KCNIP4: variants seen among roughly 807,000 people sequenced by gnomAD.
The protein encoded by KCNIP4 is potassium voltage-gated channel interacting protein 4, also known as Kv channel-interacting protein 4.
A neutral mutation model predicts 34.0 loss-of-function variants in KCNIP4; 12 were observed. The observed-to-expected ratio is 0.35, with a 90% CI of 0.23 to 0.57. The LOEUF (loss-of-function observed/expected upper bound fraction) is 0.57, where lower values mean the gene tolerates loss of function less well. Among genes scored for constraint, KCNIP4 ranks in the 20% least tolerant of loss-of-function variants. KCNIP4 has a pLI of 0.83. For missense variants in KCNIP4, 238 were observed against 311.7 expected (o/e 0.76, Z 1.78); for synonymous variants, 124 against 102.2 (o/e 1.21, Z -1.29).
intron 1 of KCNIP4, among the ~76,000 whole-genome samples, chr4:21,274,423 T>C (rs1197541710): frequency 2.0e-5 from 3 of 152,180 alleles, no homozygotes; most frequent in South Asian, 4.1e-4. Context: ...GGATATGACA[T>C]TTAACAAATT....
At chr4:21,451,620 A>C (rs1728511931) in intron 1 of KCNIP4, among the ~76,000 whole-genome samples, 1 of 152,138 alleles carries the variant, frequency 6.6e-6, no homozygotes, top group African/African-American at 2.4e-5. Flanking sequence ...CTGTTTTTGT[A>C]GATAACCAAA....
intron 3 of KCNIP4, among the ~76,000 whole-genome samples, chr4:20,772,619 T>C (rs994191989): frequency 3.7e-5 from 5 of 136,078 alleles, no homozygotes; most frequent in African/African-American, 7.6e-5. Context: ...ATTATACATT[T>C]TGTTCCCTTT....
chr4:20,949,643 T>C (rs952989862), intron 1 of KCNIP4, among the ~76,000 whole-genome samples: 1 of 151,790 alleles, frequency 6.6e-6, no homozygotes, highest in Non-Finnish European at 1.5e-5. Context: ...ATTAAGAAAA[T>C]GTGGCACATA....
At chr4:21,627,505 A>G (rs1304650524) in intron 1 of KCNIP4, among the ~76,000 whole-genome samples, 1 of 152,116 alleles carries the variant, frequency 6.6e-6, no homozygotes, top group African/African-American at 2.4e-5. Flanking sequence ...TTAGCTGTTG[A>G]TTATTTTCTG....
chr4:21,697,692 C>T, intron 1 of KCNIP4: 1 of 1,247,260 alleles, frequency 8.0e-7, no homozygotes, highest in Non-Finnish European at 1.0e-6. Context: ...CCAAGTTCTT[C>T]TGTGGCAACA....
chr4:21,915,487 A>G (rs1316507804), intron 1 of KCNIP4, among the ~76,000 whole-genome samples: 1 of 152,218 alleles, frequency 6.6e-6, no homozygotes, highest in Non-Finnish European at 1.5e-5. Context: ...TATCTAGGTC[A>G]TACAGTTAAG....
chr4:20,866,035 A>G (rs754392288), intron 2 of KCNIP4, among the ~76,000 whole-genome samples: 19 of 152,060 alleles, frequency 1.2e-4, no homozygotes, highest in African/African-American at 1.9e-4. Context: ...AACTAAAAAA[A>G]GCTCTGGACC....
chr4:21,414,201 A>T (rs1449044026), intron 1 of KCNIP4, among the ~76,000 whole-genome samples: 1 of 152,204 alleles, frequency 6.6e-6, no homozygotes, highest in Admixed American at 6.5e-5. Context: ...AATTATAGGC[A>T]GAGAGGTCAG....
chr4:20,844,220 G>C (rs1720095563), intron 3 of KCNIP4, among the ~76,000 whole-genome samples: 1 of 152,158 alleles, frequency 6.6e-6, no homozygotes. Context: ...GAAGTCAAAA[G>C]GGAGGTCGTG....
In KCNIP4 at chr4:21,527,377, C is replaced by T. The variant is rs11947261; in HGVS notation, c.61+421194G>A. ...ATCAACAATTCCTACCACATTGAGA[C>T]GTGGAATCCTTGGCCTATATTACTT... On this transcript the variant is annotated intron_variant, in intron 1 of 8. Transcript: ENST00000382152. 6.1e-3 allele frequency among the ~76,000 whole-genome samples: 925 copies of T among 152,114 alleles called. 12 individuals carry two copies. Among genetic ancestry groups the T allele is most frequent in the African/African-American group, 0.021 (874 of 41,494 alleles).
At chr4:21,593,461 TC>T (rs1742382155) in intron 1 of KCNIP4, among the ~76,000 whole-genome samples, 9 of 152,206 alleles carry the variant, frequency 5.9e-5, no homozygotes, top group African/African-American at 2.2e-4. Flanking sequence ...TAATTAGAAT[TC>T]TCGGATTCTG....
chr4:20,930,175 G>A (rs11944748), intron 1 of KCNIP4, among the ~76,000 whole-genome samples: 3,717 of 151,998 alleles, frequency 0.024, 137 homozygotes, highest in African/African-American at 0.077. Context: ...GCATGAAAAC[G>A]AAAATGTGGA....
At chr4:21,465,235 A>G (rs909235984) in intron 1 of KCNIP4, among the ~76,000 whole-genome samples, 1 of 152,280 alleles carries the variant, frequency 6.6e-6, no homozygotes, top group South Asian at 2.1e-4. Context: ...GTAAACATAC[A>G]CTTGATTCTA....
chr4:21,939,787 G>T (rs995382119), intron 1 of KCNIP4, among the ~76,000 whole-genome samples: 8 of 152,172 alleles, frequency 5.3e-5, no homozygotes, highest in African/African-American at 1.9e-4. Flanking sequence ...TGGAAAAAGT[G>T]ATTTAAAATT....
At chr4:21,331,718 T>C (rs1403613424) in intron 1 of KCNIP4, among the ~76,000 whole-genome samples, 2 of 151,926 alleles carry the variant, frequency 1.3e-5, no homozygotes, top group Non-Finnish European at 2.9e-5. Flanking sequence ...CTACCTTGTT[T>C]TTCTAGCAAT....
chr4:20,841,823 A>G (rs1719756227), intron 3 of KCNIP4, among the ~76,000 whole-genome samples: 5 of 150,754 alleles, frequency 3.3e-5, no homozygotes, highest in Admixed American at 3.3e-4. Flanking sequence ...CTTAGAATAA[A>G]ATACAAATGA....
intron 1 of KCNIP4, among the ~76,000 whole-genome samples, chr4:21,392,710 C>A (rs1722669406): frequency 6.6e-6 from 1 of 152,140 alleles, no homozygotes; most frequent in Admixed American, 6.5e-5. Flanking sequence ...GACTAACAAA[C>A]TCAAAACAAA....
At chr4:21,905,237 T>C (rs1297186226) in intron 1 of KCNIP4, among the ~76,000 whole-genome samples, 1 of 152,066 alleles carries the variant, frequency 6.6e-6, no homozygotes, top group Non-Finnish European at 1.5e-5. Context: ...CATTCTGTCT[T>C]TCCTAGTTGG....
intron 1 of KCNIP4, among the ~76,000 whole-genome samples, chr4:21,065,008 T>C (rs1319018317): frequency 6.6e-6 from 1 of 152,234 alleles, no homozygotes; most frequent in Non-Finnish European, 1.5e-5. Flanking sequence ...CATTAATTGA[T>C]GAACTCAATT....
Sources: gnomAD v4.1 joint callset for allele counts (sites outside exome capture counted in the v4.1 genomes callset) on GRCh38, gnomAD v4.1.1 for gene constraint, MANE v1.5 for transcripts, NCBI Gene and HGNC (gene_info 2026-07-23, HGNC 2026-07-21) for gene names.